The following PATL2 variants were observed in gnomAD, a reference collection of about 807,000 sequenced individuals.
PATL2 encodes PAT1 homolog 2.
In PATL2, 73 loss-of-function variants were observed where a neutral mutation model predicts 77.0. The observed-to-expected ratio is 0.95, with a 90% CI of 0.78 to 1.15. The LOEUF (loss-of-function observed/expected upper bound fraction) is 1.15, where lower values mean the gene tolerates loss of function less well. Ranked by LOEUF, PATL2 falls within the 50% of genes most tolerant of loss-of-function variation. The pLI, the probability that PATL2 is intolerant of heterozygous loss-of-function variation, is 0.00. For missense variants in PATL2, 618 were observed against 655.4 expected (o/e 0.94, Z 0.62); for synonymous variants, 265 against 257.1 (o/e 1.03, Z -0.29).
intron 3 of PATL2, among the ~76,000 whole-genome samples, chr15:44,703,414 G>T (rs7181037): frequency 4.6e-5 from 7 of 152,026 alleles, no homozygotes; most frequent in Admixed American, 6.6e-5. Context: ...TTGTATTGGG[G>T]TCTATCTCTC....
Position 44,669,362 on chromosome 15 carries a change from G to A in PATL2, c.982C>T (p.Pro328Ser). ...IEEGWKYRPPPPCFSEQQSNQ... is the reference protein window; with the variant it reads ...IEEGWKYRPPSPCFSEQQSNQ... ...CTTTGCTGCTCAGAAAAGCAGGGCG[G>A]TGGAGGCCTATACTTCCAGCCTTCC... Residue 328 changes from proline to serine, a missense_variant, in exon 13 of 18, where the codon CCG (proline) becomes TCG (serine). By Grantham distance (74) the Pro-to-Ser change is moderately conservative. Transcript: ENST00000682850. 1.3e-6 allele frequency: 2 copies of A among 1,551,708 alleles called. No homozygotes were observed. Among genetic ancestry groups the A allele is most frequent in the East Asian group, 2.4e-5 (1 of 40,922 alleles).
Position 44,669,308 on chromosome 15 carries a change from A to G in PATL2, c.1036T>C (p.Leu346=). The part of the protein sequence containing the change: ...SNQVEKLFQT[L]KTQEQNNLEE... The stretch of plus-strand genomic sequence containing the variant: ...AGGTTGTTCTGCTCCTGGGTCTTTA[A>G]GGTCTGGAAGAGCTTCTCAACCTGG... Residue 346 remains leucine, a synonymous_variant, in exon 13 of 18, where the codon TTA becomes CTA. Transcript: ENST00000682850. 2 of 1,551,524 alleles carry G rather than the reference A, an allele frequency of 1.3e-6. No homozygotes were observed. The highest frequency in any genetic ancestry group is 8.7e-7 in the Non-Finnish European group (1 of 1,146,836).
chr15:44,665,936 A>T lies in PATL2; in HGVS notation c.*17T>A. On this transcript the variant is annotated 3_prime_UTR_variant, in exon 18 of 18. Transcript: ENST00000682850. Reference sequence around the variant, plus strand: ...ATGATTCAACTTCCCACATACACGTATTCCAGAACAAACAGATCAGTAAAT... The same window carrying T: ...ATGATTCAACTTCCCACATACACGTTTTCCAGAACAAACAGATCAGTAAAT... The T allele has an allele frequency of 6.5e-7, 1 of 1,548,728 alleles. No individual in the cohort carries two copies. Among genetic ancestry groups the T allele is most frequent in the Non-Finnish European group, 8.7e-7 (1 of 1,146,254 alleles).
chr15:44,698,946 G>A (rs775981784), intron 3 of PATL2, among the ~76,000 whole-genome samples: 1 of 152,184 alleles, frequency 6.6e-6, no homozygotes, highest in Non-Finnish European at 1.5e-5. Flanking sequence ...TTTAATGAGG[G>A]TGAGCTGATA....
chr15:44,701,310 C>T (rs866337224), intron 3 of PATL2, among the ~76,000 whole-genome samples: 20 of 151,266 alleles, frequency 1.3e-4, no homozygotes, highest in African/African-American at 3.9e-4. Context: ...ATACTGGCCA[C>T]GTAGATGAGT....
At chr15:44,692,910 C>T (rs375454023) in intron 3 of PATL2, among the ~76,000 whole-genome samples, 2 of 152,246 alleles carry the variant, frequency 1.3e-5, no homozygotes, top group Non-Finnish European at 2.9e-5. Context: ...GGGCCCACAT[C>T]ACTGGGGCTA....
intron 7 of PATL2, among the ~76,000 whole-genome samples, chr15:44,672,772 T>C (rs2141195361): frequency 6.6e-6 from 1 of 152,356 alleles, no homozygotes; most frequent in South Asian, 2.1e-4. Flanking sequence ...TTTTTATTTT[T>C]AATTTTTGAG....
Position 44,667,086 on chromosome 15 carries a change from C to T in PATL2, c.1463+20G>A. ...TCCCGAGGGTACTAGATAGTATTTA[C>T]AAGGCCTTTATGATCTTACCAAGCT... On this transcript the variant is annotated intron_variant, in intron 16 of 17. Coordinates refer to ENST00000682850, the MANE Select transcript of PATL2 (RefSeq NM_001387263.1). The T allele has an allele frequency of 6.6e-7, 1 of 1,526,696 alleles. No individual in the cohort carries two copies. Among genetic ancestry groups the T allele is most frequent in the Non-Finnish European group, 8.9e-7 (1 of 1,124,354 alleles). The allele number at this position is 1,526,696 out of a possible 1,614,324, so 94.6% of individuals were successfully genotyped here. A position where few individuals can be genotyped will look rare whatever the true frequency, so the allele number is the denominator to read the frequency against.
intron 3 of PATL2, among the ~76,000 whole-genome samples, chr15:44,697,690 T>A (rs1415645634): frequency 6.6e-6 from 1 of 152,144 alleles, no homozygotes; most frequent in Non-Finnish European, 1.5e-5. Context: ...TTACTTCTTA[T>A]GGATCCCTTC....
At chr15:44,678,239 A>G (rs2086038599) in intron 3 of PATL2, among the ~76,000 whole-genome samples, 1 of 152,194 alleles carries the variant, frequency 6.6e-6, no homozygotes, top group South Asian at 2.1e-4. Flanking sequence ...CAAAAGGACC[A>G]CATGGTGAAT....
intron 3 of PATL2, among the ~76,000 whole-genome samples, chr15:44,683,940 T>C (rs1001364470): frequency 1.3e-5 from 2 of 151,874 alleles, no homozygotes; most frequent in African/African-American, 4.8e-5. Context: ...CCGCTGGTGA[T>C]ACCCAGGAAA....
intron 9 of PATL2, among the ~76,000 whole-genome samples, chr15:44,670,337 G>A (rs1328850658): frequency 6.6e-6 from 1 of 152,116 alleles, no homozygotes; most frequent in Non-Finnish European, 1.5e-5. Flanking sequence ...GGGGCCACAG[G>A]CACGTGCCAC....
chr15:44,670,947 C>T (rs1278995851), intron 9 of PATL2, among the ~76,000 whole-genome samples: 1 of 152,248 alleles, frequency 6.6e-6, no homozygotes, highest in East Asian at 1.9e-4. Context: ...GCAGCTCTGA[C>T]ATTTTCTTAA....
intron 3 of PATL2, among the ~76,000 whole-genome samples, chr15:44,701,999 T>C (rs2086640304): frequency 6.6e-6 from 1 of 151,994 alleles, no homozygotes; most frequent in Non-Finnish European, 1.5e-5. Context: ...GCCCCCATGA[T>C]CCAAACACCT....
chr15:44,669,107 G>C lies in PATL2; in HGVS notation c.1097C>G (p.Ser366Cys). Residue 366 changes from serine (S) to cysteine (C), a missense_variant, in exon 14 of 18, where the codon TCT (serine) becomes TGT (cysteine). Physicochemically the swap from Ser to Cys is moderately radical, Grantham distance 112. Transcript: ENST00000682850. ...CACCAGGGCCTTCCCCTTCCTCACA[G>C]AGAGCACCTGCAGGAAGCCATCTGC... ...EAADGFLQVL[S>C]VRKGKALVAR... 6.5e-7 allele frequency: 1 copy of C among 1,547,168 alleles called. No individual in the cohort carries two copies. Among genetic ancestry groups the C allele is most frequent in the Non-Finnish European group, 8.7e-7 (1 of 1,144,394 alleles).
At chr15:44,671,873 A>G (rs2085697418) in intron 9 of PATL2, 142 bp downstream of exon 9, 3 of 1,023,282 alleles carry the variant, frequency 2.9e-6, no homozygotes, top group Admixed American at 2.9e-5. Context: ...TTTTAGAAAT[A>G]CGGCCCCCAT....
intron 4 of PATL2, 39 bp downstream of exon 4, chr15:44,676,436 G>A (rs2085958445): frequency 2.7e-6 from 4 of 1,500,436 alleles, no homozygotes; most frequent in Non-Finnish European, 2.7e-6. Context: ...TCTGCATGCT[G>A]GGGCATTTTA....
intron 3 of PATL2, among the ~76,000 whole-genome samples, chr15:44,685,379 C>T (rs750715007): frequency 5.3e-5 from 8 of 152,144 alleles, no homozygotes; most frequent in East Asian, 1.9e-4. Flanking sequence ...GAGGCCAAGG[C>T]GGGTGGATCA....
chr15:44,708,017 G>C (rs564672484), intron 3 of PATL2, among the ~76,000 whole-genome samples: 9 of 152,236 alleles, frequency 5.9e-5, no homozygotes, highest in Non-Finnish European at 1.3e-4. Flanking sequence ...GGGCAGCACT[G>C]AGTTCCAATG....
Sources: allele counts gnomAD v4.1 joint callset (sites outside exome capture counted in the v4.1 genomes callset), GRCh38; gene constraint gnomAD v4.1.1; transcripts MANE v1.5; gene names NCBI Gene and HGNC (gene_info 2026-07-23, HGNC 2026-07-21).